The following ZNF385C variants were observed in gnomAD, a reference collection of about 807,000 sequenced individuals.
ZNF385C encodes the protein CTD-2132N18.2.
Under a neutral mutation model 35.4 loss-of-function variants are expected in ZNF385C, and 28 were observed. That is an observed-to-expected ratio of 0.79 (90% CI 0.59 to 1.08). The LOEUF (loss-of-function observed/expected upper bound fraction) is 1.08. Ranked by LOEUF, ZNF385C falls within the 50% of genes least tolerant of loss-of-function variation. ZNF385C has a pLI of 0.00. For synonymous variants in ZNF385C, 248 were observed against 248.2 expected, an observed-to-expected ratio of 1.00 and a Z score of 0.01; for missense variants, 605 against 595.6, an observed-to-expected ratio of 1.02 and a Z score of -0.16.
At chr17:42,088,684 G>C (rs1443986377) in intron 1 of ZNF385C, among the ~76,000 whole-genome samples, 1 of 152,238 alleles carries the variant, frequency 6.6e-6, no homozygotes, top group African/African-American at 2.4e-5. Flanking sequence ...CAAGTGGCCA[G>C]AGCCTGGGTG....
chr17:42,090,360 C>T (rs1283078783), intron 1 of ZNF385C, among the ~76,000 whole-genome samples: 1 of 142,816 alleles, frequency 7.0e-6, no homozygotes, highest in Admixed American at 7.3e-5. Context: ...GATCTCGGCT[C>T]ACTGCAACCT....
chr17:42,055,756 C>T (rs931526175), intron 2 of ZNF385C, among the ~76,000 whole-genome samples: 1 of 152,154 alleles, frequency 6.6e-6, no homozygotes, highest in Non-Finnish European at 1.5e-5. Context: ...AAGCCAGTGA[C>T]TCAGGCGTGA....
At chr17:42,058,742 G>C (rs946806256) in intron 2 of ZNF385C, among the ~76,000 whole-genome samples, 1 of 152,206 alleles carries the variant, frequency 6.6e-6, no homozygotes, top group Admixed American at 6.5e-5. Context: ...TGCAACGTCT[G>C]CCTCCCGGGT....
intron 2 of ZNF385C, chr17:42,039,044 A>T (rs2052936684): frequency 1.3e-5 from 2 of 152,172 alleles, no homozygotes; most frequent in Admixed American, 1.3e-4. Context: ...TGAGGTCAGG[A>T]GTTCGAGACC....
chr17:42,058,861 T>C (rs1339420996), intron 2 of ZNF385C, among the ~76,000 whole-genome samples: 1 of 152,238 alleles, frequency 6.6e-6, no homozygotes, highest in Non-Finnish European at 1.5e-5. Context: ...TTCACCATGT[T>C]GGCCAGGCTG....
At chr17:42,043,604 C>T in intron 2 of ZNF385C, 1 of 375,018 alleles carries the variant, frequency 2.7e-6, no homozygotes, top group Non-Finnish European at 4.7e-6. Context: ...AGGGGTCTGT[C>T]ATGGTAGGGG....
At chr17:42,071,275 T>G (rs557360480) in intron 1 of ZNF385C, among the ~76,000 whole-genome samples, 1 of 152,266 alleles carries the variant, frequency 6.6e-6, no homozygotes, top group Non-Finnish European at 1.5e-5. Flanking sequence ...GTGCTGGAGA[T>G]TTCAGGAGTG....
intron 2 of ZNF385C, chr17:42,061,826 A>G (rs1555658037): frequency 6.5e-6 from 1 of 152,724 alleles, no homozygotes. Context: ...GGCAACCACA[A>G]CCCTTATCCC....
rs147786292 is a variant in ZNF385C, at chr17:42,042,921, G to A, written c.251-5036C>T. Reference sequence around the variant, plus strand: ...GGCACAGGTTGAACCTCTGCAGCTCGAGCAGGGCAGAGCAGCGGTCATTGG... The same window carrying A: ...GGCACAGGTTGAACCTCTGCAGCTCAAGCAGGGCAGAGCAGCGGTCATTGG... On this transcript the variant is annotated intron_variant, in intron 2 of 8. Coordinates refer to ENST00000692273, the MANE Select transcript of ZNF385C (RefSeq NM_001392013.1). 211 of 1,232,380 alleles carry A rather than the reference G, an allele frequency of 1.7e-4. No individual in the cohort carries two copies. In the East Asian group the frequency reaches 3.2e-3, roughly 19 times the overall value. The allele number at this position is 1,232,380 out of a possible 1,614,324, so 76.3% of individuals were successfully genotyped here.
rs562178781 is a variant in ZNF385C at position 42,082,250 on chromosome 17, C to T, written c.-3+16160G>A. ...GCACATGGCACCAAGCCCAGCACCT[C>T]ACAGGGTATGACTCGTGACCTCAGT... On this transcript the variant is annotated intron_variant, in intron 1 of 8. Transcript: ENST00000692273. 1.5e-3 allele frequency among the ~76,000 whole-genome samples: 236 copies of T among 152,264 alleles called. 2 individuals carry two copies. Among genetic ancestry groups the T allele is most frequent in the African/African-American group, 5.4e-3 (225 of 41,538 alleles).
rs187022487 is a variant in ZNF385C at position 42,050,023 on chromosome 17, A to C, written c.251-12138T>G. ...TTCCATTGACATTCTCCCCACCTCA[A>C]CCTCAAGGAAACAGGCTGAGTGGAG... On this transcript the variant is annotated intron_variant, in intron 2 of 8. Coordinates refer to ENST00000692273, the MANE Select transcript of ZNF385C (RefSeq NM_001392013.1). This position sits in a 1 kb window ranked among gnomAD's most constrained non-coding sequence, Gnocchi z 5.6. Among the ~76,000 whole-genome samples the C allele has an allele frequency of 5.7e-3, 864 of 152,246 alleles. 3 individuals are homozygous for C. The highest frequency in any genetic ancestry group is 0.027 in the Middle Eastern group (8 of 294).
At chr17:42,079,866 A>T (rs1454361053) in intron 1 of ZNF385C, among the ~76,000 whole-genome samples, 1 of 152,138 alleles carries the variant, frequency 6.6e-6, no homozygotes, top group Non-Finnish European at 1.5e-5. Flanking sequence ...AGAATGCCAA[A>T]GATCTCATCA....
intron 3 of ZNF385C, among the ~76,000 whole-genome samples, chr17:42,036,601 G>C (rs1442755260): frequency 6.6e-6 from 1 of 152,192 alleles, no homozygotes; most frequent in Non-Finnish European, 1.5e-5. Flanking sequence ...AGAGCTTAGA[G>C]AGAAGAACAT....
At chr17:42,038,899 G>A (rs1025935584) in intron 2 of ZNF385C, 2 of 152,206 alleles carry the variant, frequency 1.3e-5, no homozygotes, top group South Asian at 2.1e-4. Flanking sequence ...AAACAAGCAC[G>A]GTCATCTACT....
intron 6 of ZNF385C, 110 bp downstream of exon 6, chr17:42,028,673 G>T (rs1009792206): frequency 5.2e-6 from 7 of 1,343,596 alleles, no homozygotes; most frequent in Non-Finnish European, 7.0e-6. Flanking sequence ...CAAAGCCTCC[G>T]CCATCCAACC....
intron 2 of ZNF385C, among the ~76,000 whole-genome samples, chr17:42,059,574 G>C (rs542654965): frequency 3.4e-4 from 52 of 152,306 alleles, no homozygotes; most frequent in Non-Finnish European, 6.8e-4. Flanking sequence ...TGGGCAGCCT[G>C]TCTCTAGCTG....
At chr17:42,077,889 T>A (rs2143918142) in intron 1 of ZNF385C, among the ~76,000 whole-genome samples, 1 of 151,196 alleles carries the variant, frequency 6.6e-6, no homozygotes, top group Non-Finnish European at 1.5e-5. Flanking sequence ...ACATTTTGCC[T>A]CCTAAAATAG....
intron 2 of ZNF385C, among the ~76,000 whole-genome samples, chr17:42,041,924 C>A (rs1567987105): frequency 6.6e-6 from 1 of 152,188 alleles, no homozygotes; most frequent in Non-Finnish European, 1.5e-5. Flanking sequence ...TCCAGCACAT[C>A]CTGCTCTGAG....
chr17:42,068,458 TAAC>T (rs1384406713), intron 1 of ZNF385C, among the ~76,000 whole-genome samples: 3 of 152,194 alleles, frequency 2.0e-5, no homozygotes, highest in Admixed American at 6.5e-5. Flanking sequence ...CTTTATGAAA[TAAC>T]AACCCCATTT....
Sources: allele counts gnomAD v4.1 joint callset (sites outside exome capture counted in the v4.1 genomes callset), GRCh38; gene constraint gnomAD v4.1.1; non-coding constraint Gnocchi (gnomAD v3.1); transcripts MANE v1.5; gene names NCBI Gene and HGNC (gene_info 2026-07-23, HGNC 2026-07-21).